The following TUSC3 variants were observed in gnomAD, a reference collection of about 807,000 sequenced individuals.
TUSC3 encodes tumor suppressor candidate 3.
TUSC3 carries 45 observed loss-of-function variants against 44.8 expected under a neutral mutation model. That is an observed-to-expected ratio of 1.00 (90% CI 0.79 to 1.29). The LOEUF (loss-of-function observed/expected upper bound fraction) is 1.29, where lower values mean the gene tolerates loss of function less well. Among genes scored for constraint, TUSC3 ranks in the 50% most tolerant of loss-of-function variants. TUSC3 has a pLI of 0.00. For missense variants in TUSC3, 519 were observed against 437.9 expected, an observed-to-expected ratio of 1.19 and a Z score of -1.65; for synonymous variants, 212 against 152.9, an observed-to-expected ratio of 1.39 and a Z score of -2.85.
the TUSC3 span, among the ~76,000 whole-genome samples, chr8:15,811,396 G>A: frequency 1.3e-5 from 2 of 152,144 alleles, no homozygotes; most frequent in African/African-American, 4.8e-5. Context: ...ACGATCATAA[G>A]AGAAAGACCC....
At chr8:15,833,784 C>T in the TUSC3 span, among the ~76,000 whole-genome samples, 5 of 151,884 alleles carry the variant, frequency 3.3e-5, no homozygotes, top group East Asian at 1.9e-4. Flanking sequence ...CAACAAACCC[C>T]GTTGTTACAA....
intron 2 of TUSC3, among the ~76,000 whole-genome samples, chr8:15,633,176 G>A (rs10107246): frequency 0.8 from 121,194 of 151,996 alleles, 48,785 homozygotes; most frequent in Non-Finnish European, 0.86. Context: ...AGAGCATTAC[G>A]TGTTTTCTTC....
At chr8:15,770,703 C>G (rs926399567), downstream of TUSC3, among the ~76,000 whole-genome samples, 4 of 152,010 alleles carry the variant, frequency 2.6e-5, no homozygotes, top group Admixed American at 6.6e-5. Context: ...AATCAGTGAA[C>G]TTGAAGCTAG....
At chr8:15,484,759 T>C (rs150609937) in intron 2 of TUSC3, among the ~76,000 whole-genome samples, 3,266 of 152,284 alleles carry the variant, frequency 0.021, 84 homozygotes, top group South Asian at 0.13. Context: ...AATTTTAATA[T>C]TCAGAGGGGA....
intron 9 of TUSC3, among the ~76,000 whole-genome samples, chr8:15,750,353 C>T (rs556878773): frequency 3.3e-5 from 5 of 152,080 alleles, no homozygotes; most frequent in Admixed American, 6.5e-5. Context: ...CCTTGTATAT[C>T]AGAGCATGTA....
At chr8:15,600,274 G>A (rs1026012502) in intron 1 of TUSC3, among the ~76,000 whole-genome samples, 1 of 151,840 alleles carries the variant, frequency 6.6e-6, no homozygotes, top group African/African-American at 2.4e-5. Context: ...TGTAATGACA[G>A]CAAGATAAAA....
the TUSC3 span, among the ~76,000 whole-genome samples, chr8:15,847,352 A>C: frequency 6.6e-6 from 1 of 152,172 alleles, no homozygotes; most frequent in African/African-American, 2.4e-5. Context: ...ACGGTACATG[A>C]TTCCTCTCAT....
chr8:15,427,942 G>A (rs1799825439), intron 1 of TUSC3, among the ~76,000 whole-genome samples: 1 of 151,386 alleles, frequency 6.6e-6, no homozygotes, highest in Non-Finnish European at 1.5e-5. Context: ...TATGAGATAA[G>A]GATGCAATTT....
chr8:15,520,808 T>C (rs1185910384), intron 2 of TUSC3, among the ~76,000 whole-genome samples: 1 of 152,176 alleles, frequency 6.6e-6, no homozygotes, highest in African/African-American at 2.4e-5. Context: ...TTTTTCTGTG[T>C]TCTAGTTCAA....
At chr8:15,479,248 A>T (rs992799747) in intron 1 of TUSC3, among the ~76,000 whole-genome samples, 7 of 152,110 alleles carry the variant, frequency 4.6e-5, no homozygotes, top group Admixed American at 3.9e-4. Flanking sequence ...GTTTACTCTG[A>T]TGATAGTTTC....
In TUSC3 at chr8:15,494,152, G is replaced by C. The variant is rs185130068; in HGVS notation, n.189+10669G>C. 1.6e-4 allele frequency among the ~76,000 whole-genome samples: 24 copies of C among 152,154 alleles called. No individual in the cohort carries two copies. The East Asian group carries it at 4.3e-3, about 27-fold the overall frequency. ...CACAGTCTTTATTTGGCTGTTTCGA[G>C]TTGTCTTTCCATTGTCAGATACAGT... On this transcript the variant is annotated intron_variant and non_coding_transcript_variant, in intron 2 of 5. Coordinates refer to the TUSC3 transcript ENST00000503191.
chr8:15,454,271 T>G (rs1800228737), intron 1 of TUSC3, among the ~76,000 whole-genome samples: 2 of 152,154 alleles, frequency 1.3e-5, no homozygotes, highest in Non-Finnish European at 2.9e-5. Context: ...TCCATTTTAT[T>G]CCTGATCTAA....
intron 6 of TUSC3, among the ~76,000 whole-genome samples, chr8:15,725,129 G>C (rs914579512): frequency 6.6e-6 from 1 of 152,094 alleles, no homozygotes; most frequent in Non-Finnish European, 1.5e-5. Flanking sequence ...TCATGGGATT[G>C]ATGGAAGCAT....
At chr8:15,625,003 G>A (rs575744647) in intron 2 of TUSC3, among the ~76,000 whole-genome samples, 3 of 152,098 alleles carry the variant, frequency 2.0e-5, no homozygotes, top group East Asian at 3.9e-4. Context: ...TTTTTTATAG[G>A]TGGTATTTAT....
chr8:15,432,774 A>C (rs1443669839), intron 1 of TUSC3, among the ~76,000 whole-genome samples: 2 of 151,520 alleles, frequency 1.3e-5, no homozygotes, highest in African/African-American at 4.8e-5. Context: ...TAGGTGAGGC[A>C]GGATAGCTAG....
In TUSC3 at chr8:15,692,380, T is replaced by G. The variant is rs1186662984; in HGVS notation, c.798+18544T>G. Among the ~76,000 whole-genome samples the G allele has an allele frequency of 3.0e-3, 405 of 135,444 alleles. 4 individuals are homozygous for G. The highest frequency in any genetic ancestry group is 0.013 in the South Asian group (42 of 3,290). The allele number at this position is 135,444 out of a possible 152,430, so 88.9% of individuals were successfully genotyped here. A position where few individuals can be genotyped will look rare whatever the true frequency, so the allele number is the denominator to read the frequency against. ...AGACCCCCCCCCCCCCCTTTGTTTT[T>G]TTTTTTTTTTTTTTTTTTTGCAATA... On this transcript the variant is annotated intron_variant, in intron 6 of 10. Transcript: ENST00000503731.
intron 2 of TUSC3, among the ~76,000 whole-genome samples, chr8:15,502,685 G>A (rs1038919745): frequency 9.9e-5 from 15 of 152,108 alleles, no homozygotes; most frequent in Non-Finnish European, 2.2e-4. Context: ...TAGAGTCAGG[G>A]TTTCACCGTG....
chr8:15,838,287 T>C, the TUSC3 span, among the ~76,000 whole-genome samples: 1 of 152,324 alleles, frequency 6.6e-6, no homozygotes, highest in Non-Finnish European at 1.5e-5. Flanking sequence ...ATGTGAACTT[T>C]CTTGGATTCA....
At chr8:15,729,786 C>G (rs531813273) in intron 6 of TUSC3, among the ~76,000 whole-genome samples, 1 of 151,984 alleles carries the variant, frequency 6.6e-6, no homozygotes, top group East Asian at 1.9e-4. Flanking sequence ...GAGACAAAAT[C>G]ATTTGTACAT....
Sources: gnomAD v4.1 joint callset for allele counts (sites outside exome capture counted in the v4.1 genomes callset) on GRCh38, gnomAD v4.1.1 for gene constraint, MANE v1.5 for transcripts, NCBI Gene and HGNC (gene_info 2026-07-23, HGNC 2026-07-21) for gene names.